Variants in EXOC2 observed in about 807,000 individuals in gnomAD.
The protein encoded by EXOC2 is SEC5-like 1.
In EXOC2, 70 loss-of-function variants were observed where a neutral mutation model predicts 131.8. The observed-to-expected ratio is 0.53, with a 90% CI of 0.44 to 0.65. The LOEUF (loss-of-function observed/expected upper bound fraction) is 0.65, where lower values mean the gene tolerates loss of function less well. EXOC2 is among the 30% of genes least tolerant of loss of function. The pLI is 0.00. For synonymous variants in EXOC2, 411 were observed against 398.4 expected (o/e 1.03, Z -0.38); for missense variants, 923 against 1,108.6 (o/e 0.83, Z 2.38).
In EXOC2 at chr6:656,183, A is replaced by C. The variant is rs1581638391; in HGVS notation, c.-43-18322T>G. 1.2e-6 allele frequency: 2 copies of C among 1,614,038 alleles called. No individual in the cohort carries two copies. Among genetic ancestry groups the C allele is most frequent in the African/African-American group, 2.7e-5 (2 of 74,910 alleles). Reference sequence around the variant, plus strand: ...CAAGCTGAAGAAGAGTATTGTCCCAAATATTGCACAGGGCCGTCGTAGGAT... The same window carrying C: ...CAAGCTGAAGAAGAGTATTGTCCCACATATTGCACAGGGCCGTCGTAGGAT... On this transcript the variant is annotated intron_variant, in intron 1 of 27. Coordinates refer to ENST00000230449, the MANE Select transcript of EXOC2 (RefSeq NM_018303.6).
chr6:529,696 A>G (rs1367158758), intron 23 of EXOC2, among the ~76,000 whole-genome samples: 2 of 152,222 alleles, frequency 1.3e-5, no homozygotes, highest in Non-Finnish European at 2.9e-5. Flanking sequence ...ATCACAGGAA[A>G]AGATATGAAC....
chr6:565,633 A>G (rs1296063287), intron 13 of EXOC2, among the ~76,000 whole-genome samples: 2 of 152,244 alleles, frequency 1.3e-5, no homozygotes, highest in Non-Finnish European at 2.9e-5. Flanking sequence ...AAGAAGCATT[A>G]ACAAAATTAT....
intron 25 of EXOC2, among the ~76,000 whole-genome samples, chr6:492,200 AC>A (rs1763474430): frequency 6.6e-6 from 1 of 152,232 alleles, no homozygotes. Context: ...TGAAAGGACG[AC>A]CCACAGAATG....
intron 23 of EXOC2, among the ~76,000 whole-genome samples, chr6:527,951 G>A (rs920421950): frequency 8.6e-5 from 13 of 152,042 alleles, no homozygotes; most frequent in African/African-American, 1.2e-4. Flanking sequence ...ACTTCAATGT[G>A]TATTTGTAAG....
At chr6:655,180 T>A (rs952699654) in intron 1 of EXOC2, among the ~76,000 whole-genome samples, 1 of 152,214 alleles carries the variant, frequency 6.6e-6, no homozygotes, top group Non-Finnish European at 1.5e-5. Context: ...TTGCCACAGC[T>A]ACCTGAGCCT....
intron 1 of EXOC2, chr6:656,349 G>A (rs866794959): frequency 1.2e-6 from 2 of 1,614,192 alleles, no homozygotes; most frequent in Non-Finnish European, 1.7e-6. Flanking sequence ...ACTTTGAATG[G>A]ACACCACCTC....
chr6:687,288 C>G (rs1339830646), intron 1 of EXOC2, among the ~76,000 whole-genome samples: 1 of 139,954 alleles, frequency 7.1e-6, no homozygotes, highest in Non-Finnish European at 1.5e-5. Context: ...TCAAGTGATC[C>G]TCCCACTTCA....
intron 23 of EXOC2, among the ~76,000 whole-genome samples, chr6:523,142 G>A (rs930862210): frequency 4.6e-5 from 7 of 152,240 alleles, no homozygotes; most frequent in African/African-American, 1.7e-4. Context: ...AAAGAAACCA[G>A]AGATGGGATG....
intron 23 of EXOC2, among the ~76,000 whole-genome samples, chr6:521,185 G>C (rs1333512108): frequency 7.3e-6 from 1 of 137,038 alleles, no homozygotes; most frequent in Admixed American, 7.3e-5. Context: ...CCCACTGACT[G>C]CCAATACTCA....
chr6:686,396 T>C (rs1019994608), intron 1 of EXOC2, among the ~76,000 whole-genome samples: 3 of 152,254 alleles, frequency 2.0e-5, no homozygotes, highest in Admixed American at 6.5e-5. Context: ...ATCCAATAAT[T>C]TAAACCATAT....
intron 4 of EXOC2, among the ~76,000 whole-genome samples, chr6:626,767 A>G (rs936268879): frequency 2.0e-5 from 3 of 151,670 alleles, no homozygotes; most frequent in Non-Finnish European, 4.4e-5. Flanking sequence ...AATTTTTTGT[A>G]TTTTTAGTAG....
intron 11 of EXOC2, among the ~76,000 whole-genome samples, chr6:584,206 T>C (rs1163009664): frequency 6.6e-6 from 1 of 152,208 alleles, no homozygotes; most frequent in Non-Finnish European, 1.5e-5. Flanking sequence ...GGTTTCCTAA[T>C]GGGGGCTGTA....
intron 12 of EXOC2, among the ~76,000 whole-genome samples, chr6:576,458 T>C (rs1399488448): frequency 1.3e-5 from 2 of 152,352 alleles, no homozygotes; most frequent in East Asian, 1.9e-4. Context: ...AGAATTTTTT[T>C]CTGTGGCACT....
intron 22 of EXOC2, among the ~76,000 whole-genome samples, chr6:537,305 C>G (rs113674811): frequency 1.4e-5 from 2 of 146,712 alleles, no homozygotes; most frequent in African/African-American, 2.6e-5. Flanking sequence ...GCCGACGGAG[C>G]GCACACACGA....
intron 1 of EXOC2, among the ~76,000 whole-genome samples, chr6:652,031 GGGCGACAGAGTGA>G (rs1762855915): frequency 6.6e-6 from 1 of 151,214 alleles, no homozygotes; most frequent in South Asian, 2.1e-4. Flanking sequence ...ACTCCAGCCT[GGGCGACAGAGTGA>G]GATTCCATCT....
chr6:500,635 T>C (rs1310407590), intron 23 of EXOC2, among the ~76,000 whole-genome samples: 1 of 152,154 alleles, frequency 6.6e-6, no homozygotes, highest in African/African-American at 2.4e-5. Context: ...AAAAACCCCA[T>C]AAAAACAAAA....
chr6:501,822 G>A (rs563864902), intron 23 of EXOC2, among the ~76,000 whole-genome samples: 107 of 150,376 alleles, frequency 7.1e-4, no homozygotes, highest in Middle Eastern at 6.8e-3. Flanking sequence ...ATATAATCCA[G>A]AAATTAATGG....
At chr6:690,210 G>A (rs896002370) in intron 1 of EXOC2, among the ~76,000 whole-genome samples, 46 of 152,114 alleles carry the variant, frequency 3.0e-4, no homozygotes, top group Admixed American at 2.8e-3. Context: ...TTTAAAATGA[G>A]CCGAACCCGG....
intron 13 of EXOC2, among the ~76,000 whole-genome samples, chr6:571,842 T>C (rs1489209671): frequency 6.6e-6 from 1 of 152,180 alleles, no homozygotes; most frequent in Non-Finnish European, 1.5e-5. Context: ...TTAGAATCTA[T>C]GTCCAGGAGC....
Sources: gnomAD v4.1 joint callset for allele counts (sites outside exome capture counted in the v4.1 genomes callset) on GRCh38, gnomAD v4.1.1 for gene constraint, MANE v1.5 for transcripts, NCBI Gene and HGNC (gene_info 2026-07-23, HGNC 2026-07-21) for gene names.